The following SORCS1 variants were observed in gnomAD, a reference collection of about 807,000 sequenced individuals.
SORCS1 encodes sortilin related VPS10 domain containing receptor 1, also known as VPS10 domain-containing receptor SorCS1.
In SORCS1, 60 loss-of-function variants were observed where a neutral mutation model predicts 146.1. The ratio of observed to expected loss-of-function variants is 0.41; its 90% confidence interval spans 0.33 to 0.51. The LOEUF (loss-of-function observed/expected upper bound fraction) is 0.51, where lower values mean the gene tolerates loss of function less well. Among genes scored for constraint, SORCS1 ranks in the 20% least tolerant of loss-of-function variants. The pLI, the probability that SORCS1 is intolerant of heterozygous loss-of-function variation, is 0.21. For synonymous variants in SORCS1, 637 were observed against 584.0 expected, an observed-to-expected ratio of 1.09 and a Z score of -1.31; for missense variants, 1,352 against 1,487.6, an observed-to-expected ratio of 0.91 and a Z score of 1.50.
At chr10:106,937,972 G>GAAAAAAA (rs76116094) in intron 2 of SORCS1, among the ~76,000 whole-genome samples, 50 of 129,090 alleles carry the variant, frequency 3.9e-4, no homozygotes, top group Non-Finnish European at 5.1e-4. Context: ...TCAAAAAGAA[G>GAAAAAAA]AAAAAAAAAA....
intron 9 of SORCS1, among the ~76,000 whole-genome samples, chr10:106,692,136 G>T (rs1215606142): frequency 6.6e-6 from 1 of 152,122 alleles, no homozygotes; most frequent in African/African-American, 2.4e-5. Flanking sequence ...CGACCTCCTG[G>T]GCTCAAGCGA....
At chr10:106,606,651 C>T (rs1846615458) in intron 23 of SORCS1, among the ~76,000 whole-genome samples, 1 of 152,122 alleles carries the variant, frequency 6.6e-6, no homozygotes, top group Non-Finnish European at 1.5e-5. Context: ...TTTAGCCGTT[C>T]CCTGCTGATA....
At chr10:107,135,584 C>T (rs906473041) in intron 1 of SORCS1, among the ~76,000 whole-genome samples, 1 of 152,168 alleles carries the variant, frequency 6.6e-6, no homozygotes, top group Non-Finnish European at 1.5e-5. Flanking sequence ...AAGGGTGCTC[C>T]TTATAGAAGC....
intron 2 of SORCS1, among the ~76,000 whole-genome samples, chr10:106,855,388 A>C (rs565875376): frequency 6.6e-6 from 1 of 152,176 alleles, no homozygotes; most frequent in South Asian, 2.1e-4. Flanking sequence ...TTTGACATTT[A>C]TCCTGCTTAG....
intron 1 of SORCS1, among the ~76,000 whole-genome samples, chr10:107,086,591 A>G (rs1325977448): frequency 6.6e-6 from 1 of 152,248 alleles, no homozygotes; most frequent in Non-Finnish European, 1.5e-5. Flanking sequence ...CATCTGAATT[A>G]TCTCTTGGGT....
At chr10:106,663,615 G>A (rs1420873205) in intron 17 of SORCS1, among the ~76,000 whole-genome samples, 1 of 152,140 alleles carries the variant, frequency 6.6e-6, no homozygotes, top group Non-Finnish European at 1.5e-5. Flanking sequence ...TGACATCTGT[G>A]GTGAGGGGCT....
chr10:106,909,750 C>G (rs554774217), intron 2 of SORCS1, among the ~76,000 whole-genome samples: 1 of 152,312 alleles, frequency 6.6e-6, no homozygotes, highest in South Asian at 2.1e-4. Flanking sequence ...TTACAAATCA[C>G]CTCCAGTGGA....
At chr10:106,741,739 C>T (rs1306773945) in intron 5 of SORCS1, among the ~76,000 whole-genome samples, 1 of 152,094 alleles carries the variant, frequency 6.6e-6, no homozygotes, top group East Asian at 1.9e-4. Context: ...TCCCATGTCC[C>T]AGAGATTGGA....
chr10:106,917,087 C>T (rs1454470953), intron 2 of SORCS1, among the ~76,000 whole-genome samples: 2 of 152,128 alleles, frequency 1.3e-5, no homozygotes, highest in Non-Finnish European at 2.9e-5. Flanking sequence ...TTCACCTGGC[C>T]AGCTCGTTCT....
At chr10:106,917,385 A>G (rs950043566) in intron 2 of SORCS1, among the ~76,000 whole-genome samples, 1 of 152,186 alleles carries the variant, frequency 6.6e-6, no homozygotes, top group Non-Finnish European at 1.5e-5. Context: ...CTGAAAAATT[A>G]CTTCCACTAA....
chr10:106,972,737 T>C (rs948678873), intron 1 of SORCS1, among the ~76,000 whole-genome samples: 11 of 152,202 alleles, frequency 7.2e-5, no homozygotes, highest in African/African-American at 1.9e-4. Context: ...GATGAATTAC[T>C]ATGGGAATAA....
At position 106,723,700 on chromosome 10, in the gene SORCS1, C is replaced by A. The variant is rs143663584; in HGVS notation, c.1024+6350G>T. ...AAGAAACATCAGTGCCAACCATAGA[C>A]TCTCACAGAACAAAAGCTTTCTAAA... On this transcript the variant is annotated intron_variant, in intron 6 of 25. Coordinates refer to ENST00000263054, the MANE Select transcript of SORCS1 (RefSeq NM_052918.5). Among the ~76,000 whole-genome samples, 871 of 152,276 alleles carry A rather than the reference C, an allele frequency of 5.7e-3. 11 individuals carry two copies. The highest frequency in any genetic ancestry group is 0.02 in the African/African-American group (811 of 41,550).
At chr10:106,840,961 T>C (rs543423712) in intron 2 of SORCS1, among the ~76,000 whole-genome samples, 2 of 151,224 alleles carry the variant, frequency 1.3e-5, no homozygotes, top group Non-Finnish European at 2.9e-5. Flanking sequence ...GTTCAAGTGA[T>C]TCCCCTACCT....
intron 3 of SORCS1, among the ~76,000 whole-genome samples, chr10:106,801,448 G>T (rs1227958436): frequency 6.6e-6 from 1 of 151,492 alleles, no homozygotes; most frequent in African/African-American, 2.4e-5. Context: ...TATGTGTTAG[G>T]CTCATTTTAA....
intron 2 of SORCS1, among the ~76,000 whole-genome samples, chr10:106,917,705 A>G (rs1336991169): frequency 6.6e-6 from 1 of 152,228 alleles, no homozygotes; most frequent in African/African-American, 2.4e-5. Flanking sequence ...CACCCTGCTG[A>G]GAAGCAGTGG....
chr10:107,168,725 C>T (rs916793139), upstream of SORCS1, among the ~76,000 whole-genome samples: 2 of 150,014 alleles, frequency 1.3e-5, no homozygotes, highest in African/African-American at 4.9e-5. Context: ...ATCATTCTCC[C>T]CACTTCACAG....
At chr10:106,888,824 C>G (rs1013547295) in intron 2 of SORCS1, among the ~76,000 whole-genome samples, 4 of 152,180 alleles carry the variant, frequency 2.6e-5, no homozygotes, top group Non-Finnish European at 5.9e-5. Flanking sequence ...AGACCTTGCT[C>G]CAAACATTGT....
At chr10:106,809,975 T>C (rs1451740306) in intron 3 of SORCS1, among the ~76,000 whole-genome samples, 5 of 152,172 alleles carry the variant, frequency 3.3e-5, no homozygotes, top group African/African-American at 1.2e-4. Flanking sequence ...AATCCCAGCA[T>C]TTCGGAAGGC....
intron 2 of SORCS1, among the ~76,000 whole-genome samples, chr10:106,951,518 A>G (rs985439820): frequency 6.6e-6 from 1 of 151,534 alleles, no homozygotes; most frequent in African/African-American, 2.4e-5. Context: ...TCTCTGAAAA[A>G]AAAAAAAAAA....
Sources: gnomAD v4.1 joint callset for allele counts (sites outside exome capture counted in the v4.1 genomes callset) on GRCh38, gnomAD v4.1.1 for gene constraint, MANE v1.5 for transcripts, NCBI Gene and HGNC (gene_info 2026-07-23, HGNC 2026-07-21) for gene names.